Variants in ZFR2 observed in about 807,000 individuals in gnomAD.
ZFR2 encodes the protein zinc finger RNA-binding protein 2.
ZFR2 carries 104 observed loss-of-function variants against 105.7 expected under a neutral mutation model. That is an observed-to-expected ratio of 0.98 (90% CI 0.84 to 1.16). The LOEUF is 1.16. Ranked by LOEUF, ZFR2 falls within the 50% of genes most tolerant of loss-of-function variation. ZFR2 has a pLI of 0.00. For missense variants in ZFR2, 1,425 were observed against 1,355.5 expected, an observed-to-expected ratio of 1.05 and a Z score of -0.80; for synonymous variants, 634 against 597.7, an observed-to-expected ratio of 1.06 and a Z score of -0.89.
At position 3,827,458 on chromosome 19, in the gene ZFR2, G is replaced by A; in HGVS notation, c.1035+13C>T. 6.5e-7 allele frequency: 1 copy of A among 1,528,644 alleles called. No individual in the cohort carries two copies. The allele number at this position is 1,528,644 out of a possible 1,614,324, so 94.7% of individuals were successfully genotyped here. A position where few individuals can be genotyped will look rare whatever the true frequency, so the allele number is the denominator to read the frequency against. Reference sequence around the variant, plus strand: ...CCCCAGGGTGGCAGAGCCTGGGCCGGGCGGGGCCGTACCTTCTGGTGCTTG... The same window carrying A: ...CCCCAGGGTGGCAGAGCCTGGGCCGAGCGGGGCCGTACCTTCTGGTGCTTG... On this transcript the variant is annotated intron_variant, in intron 6 of 18. Transcript: ENST00000262961.
intron 1 of ZFR2, among the ~76,000 whole-genome samples, chr19:3,842,312 C>T (rs1374945808): frequency 1.3e-5 from 2 of 152,034 alleles, no homozygotes; most frequent in African/African-American, 2.4e-5. Flanking sequence ...CTGTGCCCGG[C>T]CAGAGTAACT....
rs199935128 is a variant in ZFR2, at chr19:3,831,730, G to T, written c.528C>A (p.Pro176=). The T allele has an allele frequency of 1.2e-6, 2 of 1,602,896 alleles. No homozygotes were observed. Among genetic ancestry groups the T allele is most frequent in the Non-Finnish European group, 8.5e-7 (1 of 1,174,654 alleles). ...AGGTCACGATGGAAGCTGACGACTCGGGCTGGACGCCTGTCGCCGTGGGGT... is the reference window on the plus strand; with the variant it reads ...AGGTCACGATGGAAGCTGACGACTCTGGCTGGACGCCTGTCGCCGTGGGGT... The part of the protein sequence containing the change: ...YTYPTATGVQ[P]ESSASIVTSY... Residue 176 remains proline, a synonymous_variant, in exon 4 of 19, where the codon CCC becomes CCA. Transcript: ENST00000262961.
At position 3,834,456 on chromosome 19, in the gene ZFR2, G is replaced by C. The variant is rs983811120; in HGVS notation, c.264+317C>G. 6.6e-6 allele frequency among the ~76,000 whole-genome samples: 1 copy of C among 152,134 alleles called. No individual in the cohort carries two copies. The highest frequency in any genetic ancestry group is 2.4e-5 in the African/African-American group (1 of 41,432). Reference sequence around the variant, plus strand: ...TCTGCCCTGACCAGGGAGGGGTCCTGTAACCCAGGCGACCCTCCTCCTCCT... The same window carrying C: ...TCTGCCCTGACCAGGGAGGGGTCCTCTAACCCAGGCGACCCTCCTCCTCCT... On this transcript the variant is annotated intron_variant, in intron 2 of 18. Coordinates refer to ENST00000262961, the MANE Select transcript of ZFR2 (RefSeq NM_015174.2). This position sits in a 1 kb window ranked among gnomAD's most constrained non-coding sequence, Gnocchi z 5.3.
At chr19:3,830,681 C>T (rs1270566428) in intron 5 of ZFR2, among the ~76,000 whole-genome samples, 2 of 152,144 alleles carry the variant, frequency 1.3e-5, no homozygotes, top group African/African-American at 4.8e-5. Flanking sequence ...TGTCTCTCCG[C>T]GGTCCAGAGC....
intron 14 of ZFR2, among the ~76,000 whole-genome samples, chr19:3,812,818 C>T (rs902679188): frequency 6.6e-6 from 1 of 152,168 alleles, no homozygotes; most frequent in Non-Finnish European, 1.5e-5. Context: ...GTGGCTCATG[C>T]CTGTAATCCC....
At chr19:3,859,984 G>A (rs945937218) in intron 1 of ZFR2, among the ~76,000 whole-genome samples, 2 of 152,026 alleles carry the variant, frequency 1.3e-5, no homozygotes, top group Non-Finnish European at 2.9e-5. Flanking sequence ...ATGTCCCAAC[G>A]TATTGGAAAG....
In ZFR2 at chr19:3,813,840, TC is replaced by T; in HGVS notation, c.2221del (p.Glu741ArgfsTer20). ...CGCACCTGGGTCTGTGGAGGGGTCC[TC>T]CCGCATCAGAGGTGAGGTGACAGAT... Reference protein sequence around the residue: ...TISVTSPLMREDPSTDPGVEE... With the variant: ...TISVTSPLMRXDPSTDPGVEE... On this transcript the variant is annotated frameshift_variant, in exon 14 of 19. Transcript: ENST00000262961. LOFTEE classifies it high-confidence loss of function. The surrounding 1 kb of genome is among the most constrained non-coding windows in gnomAD (Gnocchi z 4.4). 2 of 1,613,754 alleles carry T rather than the reference TC, an allele frequency of 1.2e-6. No homozygotes were observed. Among genetic ancestry groups the T allele is most frequent in the South Asian group, 1.1e-5 (1 of 91,078 alleles).
intron 7 of ZFR2, among the ~76,000 whole-genome samples, chr19:3,824,238 T>C (rs1041245115): frequency 3.3e-5 from 5 of 152,128 alleles, no homozygotes. Flanking sequence ...AGGTGGAGGC[T>C]GCAGTGAGCT....
At chr19:3,860,763 G>A (rs915854439) in intron 1 of ZFR2, among the ~76,000 whole-genome samples, 6 of 152,078 alleles carry the variant, frequency 3.9e-5, no homozygotes, top group Non-Finnish European at 8.8e-5. Flanking sequence ...TTTTACTCTT[G>A]TGCACCAAAC....
chr19:3,848,942 C>T lies in ZFR2; in HGVS notation c.54-13959G>A, dbSNP rs541482289. ...CCCGGAGGCGGAGCTTGCAGTGAGC[C>T]GAGATCACACCACTGCACTCCAGCC... On this transcript the variant is annotated intron_variant, in intron 1 of 18. Coordinates refer to ENST00000262961, the MANE Select transcript of ZFR2 (RefSeq NM_015174.2). Among the ~76,000 whole-genome samples, 115 of 143,612 alleles carry T rather than the reference C, an allele frequency of 8.0e-4. 1 individual carries two copies. In the East Asian group the frequency reaches 0.018, roughly 23 times the overall value. 94.2% of individuals were successfully genotyped at this position (143,612 alleles called of 152,430 possible).
intron 1 of ZFR2, among the ~76,000 whole-genome samples, chr19:3,861,051 T>C (rs1380304034): frequency 6.6e-6 from 1 of 152,006 alleles, no homozygotes; most frequent in African/African-American, 2.4e-5. Flanking sequence ...GTCACTCTGC[T>C]CCCAAGGGGC....
At position 3,858,852 on chromosome 19, in the gene ZFR2, CTCTT is replaced by C. The variant is rs1229218099; in HGVS notation, c.53+10109_53+10112del. Among the ~76,000 whole-genome samples the C allele has an allele frequency of 2.0e-5, 3 of 152,142 alleles. No individual in the cohort carries two copies. The highest frequency in any genetic ancestry group is 4.4e-5 in the Non-Finnish European group (3 of 68,010). On this transcript the variant is annotated intron_variant, in intron 1 of 18. Coordinates refer to ENST00000262961, the MANE Select transcript of ZFR2 (RefSeq NM_015174.2). The surrounding 1 kb of genome is among the most constrained non-coding windows in gnomAD (Gnocchi z 4.3). ...AAACTAAAATAATTAAAAACAAGGA[CTCTT>C]TCTTCCCGAACACAGCTCATCACCT...
intron 6 of ZFR2, among the ~76,000 whole-genome samples, chr19:3,826,826 G>T (rs1407559817): frequency 6.6e-6 from 1 of 152,132 alleles, no homozygotes; most frequent in African/African-American, 2.4e-5. Flanking sequence ...CACAGCATTG[G>T]GTCTCATCAC....
intron 5 of ZFR2, among the ~76,000 whole-genome samples, chr19:3,827,976 A>C (rs1220398760): frequency 6.6e-6 from 1 of 150,896 alleles, no homozygotes; most frequent in African/African-American, 2.4e-5. Flanking sequence ...GGGTGCCACC[A>C]CACCCGGCTA....
In ZFR2 at chr19:3,816,811, C is replaced by G; in HGVS notation, c.1966G>C (p.Val656Leu). The G allele has an allele frequency of 6.3e-7, 1 of 1,583,234 alleles. No individual in the cohort carries two copies. The highest frequency in any genetic ancestry group is 1.2e-5 in the South Asian group (1 of 86,838). ...VAPQTRVLKG[V>L]MRVGILAKGL... The stretch of plus-strand genomic sequence containing the variant: ...TTCGCCAGGATGCCTACTCGCATGA[C>G]GCCTTTCAGGACCCGAGTCTGGGGG... Residue 656 changes from valine (V) to leucine (L), a missense_variant, in exon 13 of 19, where the codon GTC (valine) becomes CTC (leucine). By Grantham distance (32) the Val-to-Leu change is conservative. Coordinates refer to ENST00000262961, the MANE Select transcript of ZFR2 (RefSeq NM_015174.2).
rs371282743 is a variant in ZFR2 at position 3,839,629 on chromosome 19, C to T, written c.54-4646G>A. Among the ~76,000 whole-genome samples the T allele has an allele frequency of 1.5e-4, 21 of 138,188 alleles. 2 individuals carry two copies. Among genetic ancestry groups the T allele is most frequent in the African/African-American group, 5.5e-4 (21 of 37,974 alleles). The allele number at this position is 138,188 out of a possible 152,430, so 90.7% of individuals were successfully genotyped here. ...CTTAATCTCCTTGGGGATGACACTT[C>T]TTTTTTATGACAAAATATTTCAAAC... On this transcript the variant is annotated intron_variant, in intron 1 of 18. Coordinates refer to ENST00000262961, the MANE Select transcript of ZFR2 (RefSeq NM_015174.2).
chr19:3,819,312 G>GGTGGGA, intron 11 of ZFR2, 77 bp from the exon 12 acceptor site: 1 of 907,470 alleles, frequency 1.1e-6, no homozygotes. Context: ...GGCAGGTGGG[G>GGTGGGA]GCAGGTGGCC....
At chr19:3,807,738 A>C (rs1481944724) in intron 17 of ZFR2, among the ~76,000 whole-genome samples, 4 of 130,210 alleles carry the variant, frequency 3.1e-5, no homozygotes, top group African/African-American at 1.3e-4. Context: ...GTGTGTGTGC[A>C]TGTGTGCCTG....
At chr19:3,806,176 G>T in intron 18 of ZFR2, 51 bp from the exon 19 acceptor site, 1 of 1,392,176 alleles carries the variant, frequency 7.2e-7, no homozygotes, top group East Asian at 2.9e-5. Context: ...TGCTCCCCGA[G>T]TGCTGGGGAC....
Sources: allele counts gnomAD v4.1 joint callset (sites outside exome capture counted in the v4.1 genomes callset), GRCh38; gene constraint gnomAD v4.1.1; non-coding constraint Gnocchi (gnomAD v3.1); transcripts MANE v1.5; gene names NCBI Gene and HGNC (gene_info 2026-07-23, HGNC 2026-07-21).